CKS1B: variants seen among roughly 807,000 people sequenced by gnomAD.
CKS1B encodes the protein CDC28 protein kinase regulatory subunit 1B, also known as cyclin-dependent kinases regulatory subunit 1.
Under a neutral mutation model 12.2 loss-of-function variants are expected in CKS1B, and 5 were observed. The observed-to-expected ratio is 0.41, with a 90% CI of 0.21 to 0.86. CKS1B has a LOEUF of 0.86. Ranked by LOEUF, CKS1B falls within the 40% of genes least tolerant of loss-of-function variation. The pLI is 0.32. For missense variants in CKS1B, 53 were observed against 99.9 expected (o/e 0.53, Z 2.00); for synonymous variants, 24 against 34.4 (o/e 0.70, Z 1.06).
chr1:154,975,223 A>G lies in CKS1B; in HGVS notation c.59+419A>G, dbSNP rs1374397383. The G allele has an allele frequency of 8.9e-6, 5 of 559,904 alleles. No individual in the cohort carries two copies. In the African/African-American group the frequency reaches 9.4e-5, roughly 11 times the overall value. 34.7% of individuals were successfully genotyped at this position (559,904 alleles called of 1,614,324 possible). A position where few individuals can be genotyped will look rare whatever the true frequency, so the allele number is the denominator to read the frequency against. Reference sequence around the variant, plus strand: ...CGTCCCTAACAGGAGAGTAGCGCTGAGAGAGTTGAATATTGCTTATTAACT... The same window carrying G: ...CGTCCCTAACAGGAGAGTAGCGCTGGGAGAGTTGAATATTGCTTATTAACT... On this transcript the variant is annotated intron_variant, in intron 1 of 2. Transcript: ENST00000308987.
chr1:154,976,046 A>G (rs1453724819), intron 1 of CKS1B, among the ~76,000 whole-genome samples: 3 of 152,126 alleles, frequency 2.0e-5, no homozygotes, highest in Non-Finnish European at 4.4e-5. Flanking sequence ...TTTTACCTAT[A>G]TAACAAACCT....
intron 1 of CKS1B, among the ~76,000 whole-genome samples, chr1:154,976,722 AT>A (rs1657195925): frequency 6.6e-6 from 1 of 152,168 alleles, no homozygotes; most frequent in Non-Finnish European, 1.5e-5. Flanking sequence ...TTTTTGGTGT[AT>A]GTATTGAAGC....
chr1:154,976,795 T>A (rs981549260), intron 1 of CKS1B, among the ~76,000 whole-genome samples: 3 of 152,176 alleles, frequency 2.0e-5, no homozygotes, highest in African/African-American at 7.2e-5. Context: ...GGACTAGAAT[T>A]TTTTCTTTTA....
intron 1 of CKS1B, chr1:154,975,112 T>A: frequency 1.6e-6 from 1 of 641,280 alleles, no homozygotes; most frequent in Non-Finnish European, 2.8e-6. Flanking sequence ...CGGGCAAACT[T>A]AACTTGCCTT....
intron 1 of CKS1B, 115 bp from the exon 2 acceptor site, chr1:154,977,872 C>A: frequency 9.7e-7 from 1 of 1,029,464 alleles, no homozygotes; most frequent in Non-Finnish European, 1.4e-6. Flanking sequence ...ATTATATAAA[C>A]TCTGACATCA....
At chr1:154,975,371 C>A (rs1474673495) in intron 1 of CKS1B, among the ~76,000 whole-genome samples, 2 of 152,094 alleles carry the variant, frequency 1.3e-5, no homozygotes, top group Non-Finnish European at 2.9e-5. Flanking sequence ...TAATAGATGC[C>A]CTTTAAATAT....
chr1:154,974,951 A>G (rs1176185129), intron 1 of CKS1B, 147 bp downstream of exon 1: 16 of 1,612,762 alleles, frequency 9.9e-6, no homozygotes, highest in Non-Finnish European at 1.4e-5. Flanking sequence ...GGAAGGCGTA[A>G]GGCGCATGCG....
intron 1 of CKS1B, chr1:154,975,824 G>A (rs921257062): frequency 1.3e-5 from 2 of 154,700 alleles, no homozygotes; most frequent in Middle Eastern, 5.1e-4. Context: ...CACCACCATT[G>A]AAAACGAAAC....
At chr1:154,976,808 AGAATGGTGGG>A (rs769670707) in intron 1 of CKS1B, among the ~76,000 whole-genome samples, 55 of 152,168 alleles carry the variant, frequency 3.6e-4, no homozygotes, top group Non-Finnish European at 7.5e-4. Context: ...TTCTTTTAGG[AGAATGGTGGG>A]GAATCACTGT....
Position 154,979,176 on chromosome 1 carries a change from G to A in CKS1B, c.*399G>A, listed in dbSNP as rs146096618. The A allele has an allele frequency of 1.5e-3, 277 of 181,168 alleles. 1 individual carries two copies. Among genetic ancestry groups the A allele is most frequent in the African/African-American group, 6.2e-3 (262 of 42,266 alleles). 11.2% of individuals were successfully genotyped at this position (181,168 alleles called of 1,614,324 possible). ...TTGCGGATTTATGTTTCAGTGTACT[G>A]GAAACTTTCCATTTTATTCAAGAAA... On this transcript the variant is annotated 3_prime_UTR_variant, in exon 3 of 3. Transcript: ENST00000308987.
chr1:154,977,690 T>C, intron 1 of CKS1B: 1 of 300,754 alleles, frequency 3.3e-6, no homozygotes, highest in Non-Finnish European at 6.2e-6. Context: ...GGGGCTCCCA[T>C]TATGTTGTAG....
At position 154,974,720 on chromosome 1, in the gene CKS1B, G is replaced by A. The variant is rs775041473; in HGVS notation, c.-26G>A. On this transcript the variant is annotated 5_prime_UTR_variant, in exon 1 of 3. Coordinates refer to ENST00000308987, the MANE Select transcript of CKS1B (RefSeq NM_001826.3). ...GTTGCTTGGAGGTTGGCGGCGCGGG[G>A]CTGAAGGCTAGCAAACCGAGCGATC... The A allele has an allele frequency of 3.2e-5, 51 of 1,571,442 alleles. No individual in the cohort carries two copies. Among genetic ancestry groups the A allele is most frequent in the Admixed American group, 1.9e-4 (10 of 53,088 alleles).
intron 1 of CKS1B, 43 bp downstream of exon 1, chr1:154,974,847 G>A (rs373941925): frequency 5.9e-5 from 96 of 1,613,938 alleles, no homozygotes; most frequent in Non-Finnish European, 7.4e-5. Context: ...CGTGAGCTTT[G>A]GCCGCTGAGG....
chr1:154,978,207 T>G, intron 2 of CKS1B, 93 bp downstream of exon 2: 1 of 1,261,574 alleles, frequency 7.9e-7, no homozygotes, highest in Middle Eastern at 2.0e-4. Flanking sequence ...AGATAGGAAA[T>G]GGTTTACTGG....
chr1:154,974,991 T>G (rs992042530), intron 1 of CKS1B, 187 bp downstream of exon 1: 2 of 1,573,792 alleles, frequency 1.3e-6, no homozygotes, highest in South Asian at 2.2e-5. Context: ...TAAAACAAAG[T>G]GGTTGCGAAT....
Position 154,978,210 on chromosome 1 carries a change from T to C in CKS1B, c.187+96T>C, listed in dbSNP as rs1657237501. The C allele has an allele frequency of 5.5e-6, 7 of 1,277,868 alleles. No homozygotes were observed. The African/African-American group carries it at 1.1e-4, about 20-fold the overall frequency. The allele number at this position is 1,277,868 out of a possible 1,614,324, so 79.2% of individuals were successfully genotyped here. ...ACCCAAATAGGGAGATAGGAAATGG[T>C]TTACTGGTTCCTTCCCCCTCCAGTC... On this transcript the variant is annotated intron_variant, in intron 2 of 2. Coordinates refer to ENST00000308987, the MANE Select transcript of CKS1B (RefSeq NM_001826.3).
intron 1 of CKS1B, chr1:154,975,169 T>C (rs951999981): frequency 1.0e-5 from 6 of 588,812 alleles, no homozygotes; most frequent in Non-Finnish European, 1.8e-5. Flanking sequence ...TGGGAGAACG[T>C]AGCAAAAGCG....
chr1:154,976,031 C>A (rs1443369039), intron 1 of CKS1B, among the ~76,000 whole-genome samples: 1 of 151,726 alleles, frequency 6.6e-6, no homozygotes, highest in Non-Finnish European at 1.5e-5. Context: ...ACCCCCGAGT[C>A]AGGATTTTAC....
rs185916119 is a variant in CKS1B, at chr1:154,979,110, T to C, written c.*333T>C. 181 of 251,740 alleles carry C rather than the reference T, an allele frequency of 7.2e-4. No individual in the cohort carries two copies. Among genetic ancestry groups the C allele is most frequent in the Non-Finnish European group, 1.7e-4 (22 of 129,520 alleles). The allele number at this position is 251,740 out of a possible 1,614,324, so 15.6% of individuals were successfully genotyped here. A position where few individuals can be genotyped will look rare whatever the true frequency, so the allele number is the denominator to read the frequency against. ...TGTTACAGGGATCATGTAAACTTGC[T>C]GTTTTTGTTTTTTCCTGCCGGGTGT... On this transcript the variant is annotated 3_prime_UTR_variant, in exon 3 of 3. Transcript: ENST00000308987.
Sources: allele counts gnomAD v4.1 joint callset (sites outside exome capture counted in the v4.1 genomes callset), GRCh38; gene constraint gnomAD v4.1.1; transcripts MANE v1.5; gene names NCBI Gene and HGNC (gene_info 2026-07-23, HGNC 2026-07-21).